Variants in CHST8 observed in about 807,000 individuals in gnomAD.
The protein encoded by CHST8 is GALNAC-4-ST1.
A neutral mutation model predicts 15.0 loss-of-function variants in CHST8; 10 were observed. The observed-to-expected ratio is 0.67, with a 90% confidence interval of 0.41 to 1.13. CHST8 has a LOEUF of 1.13. Ranked by LOEUF, CHST8 falls within the 50% of genes most tolerant of loss-of-function variation. CHST8 has a pLI of 0.00. For missense variants in CHST8, 634 were observed against 608.2 expected (o/e 1.04, Z -0.45); for synonymous variants, 259 against 256.6 (o/e 1.01, Z -0.09).
chr19:33,722,087 GGAT>G (rs1354655005), intron 3 of CHST8, among the ~76,000 whole-genome samples: 1 of 150,936 alleles, frequency 6.6e-6, no homozygotes, highest in Non-Finnish European at 1.5e-5. Context: ...ATGGATGGAT[GGAT>G]GGATGGATGG....
chr19:33,669,905 A>C (rs943077938), intron 2 of CHST8, among the ~76,000 whole-genome samples: 9 of 152,184 alleles, frequency 5.9e-5, no homozygotes, highest in African/African-American at 1.9e-4. Context: ...CTAACTATAG[A>C]ATTGATTATG....
At chr19:33,718,822 G>A (rs1044892067) in intron 3 of CHST8, among the ~76,000 whole-genome samples, 2 of 152,368 alleles carry the variant, frequency 1.3e-5, no homozygotes, top group African/African-American at 4.8e-5. Context: ...GCTGGATCCA[G>A]TGGGGAGAGG....
intron 3 of CHST8, among the ~76,000 whole-genome samples, chr19:33,766,529 G>A (rs1220362096): frequency 6.6e-6 from 1 of 152,218 alleles, no homozygotes; most frequent in Non-Finnish European, 1.5e-5. Context: ...GTGCACCTTA[G>A]GTGTGGGAGC....
chr19:33,634,057 C>T lies in CHST8; in HGVS notation c.-164+11761C>T, dbSNP rs531805103. On this transcript the variant is annotated intron_variant, in intron 1 of 4. Transcript: ENST00000650847. Reference sequence around the variant, plus strand: ...CTGGTCTCGAACTCCTGGGCTTAAGCGATCCTCCCGCCTTGGCCTCCCAAA... The same window carrying T: ...CTGGTCTCGAACTCCTGGGCTTAAGTGATCCTCCCGCCTTGGCCTCCCAAA... Among the ~76,000 whole-genome samples the T allele has an allele frequency of 9.3e-5, 14 of 150,926 alleles. No homozygotes were observed. In the South Asian group the frequency reaches 1.7e-3, roughly 18 times the overall value.
intron 3 of CHST8, among the ~76,000 whole-genome samples, chr19:33,768,072 G>T (rs891127775): frequency 2.0e-5 from 3 of 152,170 alleles, no homozygotes; most frequent in Non-Finnish European, 4.4e-5. Flanking sequence ...GTCCTGACGT[G>T]CAGCCCACTT....
At chr19:33,716,412 A>G (rs1311669900) in intron 3 of CHST8, among the ~76,000 whole-genome samples, 1 of 152,122 alleles carries the variant, frequency 6.6e-6, no homozygotes, top group Admixed American at 6.6e-5. Context: ...GGTCACCCAG[A>G]CTGGAGTACA....
intron 3 of CHST8, among the ~76,000 whole-genome samples, chr19:33,697,759 C>G (rs1160036278): frequency 2.0e-5 from 3 of 152,146 alleles, no homozygotes; most frequent in African/African-American, 7.2e-5. Context: ...AGAGCCTGGG[C>G]AGAGAGAACA....
intron 1 of CHST8, among the ~76,000 whole-genome samples, chr19:33,652,562 G>A (rs1972463222): frequency 6.6e-6 from 1 of 151,832 alleles, no homozygotes; most frequent in Non-Finnish European, 1.5e-5. Context: ...CTTTATTAGA[G>A]ATGAGTTTTC....
chr19:33,764,657 G>A (rs576492086), intron 3 of CHST8, among the ~76,000 whole-genome samples: 2 of 152,256 alleles, frequency 1.3e-5, no homozygotes, highest in Non-Finnish European at 2.9e-5. Context: ...CTTTGCCGAT[G>A]TAATCAAGTT....
chr19:33,656,046 C>T (rs184116371), intron 1 of CHST8, among the ~76,000 whole-genome samples: 6 of 152,150 alleles, frequency 3.9e-5, no homozygotes, highest in East Asian at 1.9e-4. Flanking sequence ...GGCCACATTC[C>T]GTAAGTTTTG....
At chr19:33,709,254 G>A (rs908469159) in intron 3 of CHST8, among the ~76,000 whole-genome samples, 2 of 152,288 alleles carry the variant, frequency 1.3e-5, no homozygotes, top group South Asian at 2.1e-4. Context: ...TAGTATGGTA[G>A]GAAATTGAAG....
At chr19:33,638,896 C>T (rs1290534250) in intron 1 of CHST8, among the ~76,000 whole-genome samples, 2 of 151,928 alleles carry the variant, frequency 1.3e-5, no homozygotes, top group African/African-American at 2.4e-5. Flanking sequence ...CAGGCAAGAG[C>T]TTGAGGGAGA....
chr19:33,753,371 C>G (rs1317163123), intron 3 of CHST8, among the ~76,000 whole-genome samples: 2 of 149,666 alleles, frequency 1.3e-5, no homozygotes, highest in Non-Finnish European at 3.0e-5. Context: ...TCCCACCCAC[C>G]ATCTCCCCAC....
intron 3 of CHST8, among the ~76,000 whole-genome samples, chr19:33,770,490 T>C (rs1974954513): frequency 1.3e-5 from 2 of 152,218 alleles, no homozygotes; most frequent in African/African-American, 2.4e-5. Flanking sequence ...AGCTTCTAAA[T>C]AGATTCCCCC....
rs1178877562 is a variant in CHST8 at position 33,755,195 on chromosome 19, A to ATTTTCACAG, written c.131-16218_131-16217insTTTTCACAG. On this transcript the variant is annotated intron_variant, in intron 3 of 4. Transcript: ENST00000650847. ...TTTTCACAGAAGCCTCTGGCACTGG[A>ATTTTCACAG]AACCTTCTGATGCCCCTGTCAAAGC... Among the ~76,000 whole-genome samples the ATTTTCACAG allele has an allele frequency of 2.0e-3, 312 of 152,276 alleles. 1 individual carries two copies. Among genetic ancestry groups the ATTTTCACAG allele is most frequent in the African/African-American group, 7.3e-3 (303 of 41,550 alleles).
chr19:33,771,957 G>A lies in CHST8; in HGVS notation c.169G>A (p.Asp57Asn). 2 of 1,559,650 alleles carry A rather than the reference G, an allele frequency of 1.3e-6. No individual in the cohort carries two copies. The highest frequency in any genetic ancestry group is 1.7e-6 in the Non-Finnish European group (2 of 1,155,788). The change falls in exon 5 of 5, where the codon GAC becomes AAC. Residue 57 changes from aspartate to asparagine, a missense_variant and splice_region_variant. Physicochemically the swap from Asp to Asn is conservative, Grantham distance 23. Coordinates refer to ENST00000650847, the MANE Select transcript of CHST8 (RefSeq NM_001127895.2). ...FNIRPRQPHHDLPPGGSQDGD... is the reference protein window; with the variant it reads ...FNIRPRQPHHNLPPGGSQDGD... ...ATAACCACTTCTCTTCTTGCCCCAG[G>A]ACCTCCCACCAGGCGGCTCCCAGGA... is the stretch of plus-strand genomic sequence containing the variant.
chr19:33,670,657 C>T (rs1319637975), intron 2 of CHST8, among the ~76,000 whole-genome samples: 5 of 152,266 alleles, frequency 3.3e-5, no homozygotes, highest in Non-Finnish European at 5.9e-5. Context: ...GCCTGCAGCC[C>T]GGGCTCCTGA....
At chr19:33,670,278 T>A (rs1191736754) in intron 2 of CHST8, among the ~76,000 whole-genome samples, 1 of 152,238 alleles carries the variant, frequency 6.6e-6, no homozygotes, top group Non-Finnish European at 1.5e-5. Context: ...GAATTCAAAT[T>A]GCACACTGGG....
chr19:33,773,216 G>C lies in CHST8; in HGVS notation c.*153G>C. On this transcript the variant is annotated 3_prime_UTR_variant, in exon 5 of 5. Transcript: ENST00000650847. ...GGAGGCAGCAGGCCCCGGGTGGGGG[G>C]CAGAGGCGCCCAGCCTTGGATGGGG... is the stretch of plus-strand genomic sequence containing the variant. The C allele has an allele frequency of 1.1e-6, 1 of 877,742 alleles. No individual in the cohort carries two copies. The allele number at this position is 877,742 out of a possible 1,614,324, so 54.4% of individuals were successfully genotyped here. A position where few individuals can be genotyped will look rare whatever the true frequency, so the allele number is the denominator to read the frequency against.
Sources: allele counts gnomAD v4.1 joint callset (sites outside exome capture counted in the v4.1 genomes callset), GRCh38; gene constraint gnomAD v4.1.1; transcripts MANE v1.5; gene names NCBI Gene and HGNC (gene_info 2026-07-23, HGNC 2026-07-21).